Variants in ZAP70 observed in about 807,000 individuals in gnomAD.
The protein encoded by ZAP70 is tyrosine-protein kinase ZAP-70.
A neutral mutation model predicts 65.8 loss-of-function variants in ZAP70; 27 were observed. The ratio of observed to expected loss-of-function variants is 0.41; its 90% CI spans 0.30 to 0.57. The LOEUF (loss-of-function observed/expected upper bound fraction) is 0.57, where lower values mean the gene tolerates loss of function less well. Among genes scored for constraint, ZAP70 ranks in the 20% least tolerant of loss-of-function variants. ZAP70 has a pLI of 0.28. For synonymous variants in ZAP70, 363 were observed against 360.8 expected (o/e 1.01, Z -0.07); for missense variants, 696 against 870.5 (o/e 0.80, Z 2.52).
chr2:97,732,787 G>A, intron 4 of ZAP70, 96 bp from the exon 5 acceptor site: 1 of 1,549,212 alleles, frequency 6.5e-7, no homozygotes, highest in Non-Finnish European at 8.8e-7. Flanking sequence ...AGGCTCTGAG[G>A]TGTGGAGCCC....
At chr2:97,743,088 G>A (rs917819894), downstream of ZAP70, among the ~76,000 whole-genome samples, 1 of 152,130 alleles carries the variant, frequency 6.6e-6, no homozygotes, top group African/African-American at 2.4e-5. Flanking sequence ...ACTTCAGGGA[G>A]AGAAATGGGA....
chr2:97,734,934 GT>G, intron 9 of ZAP70: 3 of 716,512 alleles, frequency 4.2e-6, no homozygotes, highest in Non-Finnish European at 4.6e-6. Context: ...TGGAGCTGAA[GT>G]TCCCAACCCA....
chr2:97,722,058 C>T (rs980131028), intron 2 of ZAP70, among the ~76,000 whole-genome samples: 1 of 148,372 alleles, frequency 6.7e-6, no homozygotes, highest in Non-Finnish European at 1.5e-5. Flanking sequence ...GCTGGGATTA[C>T]AGGCGTGAGC....
At position 97,733,013 on chromosome 2, in the gene ZAP70, C is replaced by A. The variant is rs201643850; in HGVS notation, c.694C>A (p.Leu232Ile). The change falls in exon 5 of 14, where the codon CTC becomes ATC. Residue 232 changes from leucine (L) to isoleucine (I), a missense_variant. This residue lies in a region of ZAP70 where 551 missense variants were observed against 630.0 expected (regional missense o/e 0.87). Transcript: ENST00000264972. ...CIPEGTKFDT[L>I]WQLVEYLKLK... ...TCCCGAGGGCACCAAGTTTGACACG[C>A]TCTGGCAGGTAGGCTGCCCGTGCAA... 6.2e-7 allele frequency: 1 copy of A among 1,614,132 alleles called. No homozygotes were observed. The highest frequency in any genetic ancestry group is 8.5e-7 in the Non-Finnish European group (1 of 1,180,032).
intron 2 of ZAP70, among the ~76,000 whole-genome samples, chr2:97,718,220 T>G (rs1433169314): frequency 1.3e-5 from 2 of 151,808 alleles, no homozygotes; most frequent in East Asian, 1.9e-4. Context: ...GGGCCACGAG[T>G]CTGCAGGGAC....
chr2:97,727,607 C>T (rs72951153), intron 4 of ZAP70, among the ~76,000 whole-genome samples: 1,628 of 152,342 alleles, frequency 0.011, 36 homozygotes, highest in African/African-American at 0.037. Context: ...AGGCTGGACA[C>T]GCGAAGAAGG....
the ZAP70 span, among the ~76,000 whole-genome samples, chr2:97,748,601 C>T: frequency 6.6e-6 from 1 of 152,166 alleles, no homozygotes; most frequent in African/African-American, 2.4e-5. Context: ...GGCCTCTGTG[C>T]TGCGACTGGC....
At position 97,737,334 on chromosome 2, in the gene ZAP70, G is replaced by T; in HGVS notation, c.1290-139G>T. The T allele has an allele frequency of 3.5e-6, 3 of 848,156 alleles. No homozygotes were observed. The highest frequency in any genetic ancestry group is 5.8e-6 in the Non-Finnish European group (3 of 518,072). The allele number at this position is 848,156 out of a possible 1,614,324, so 52.5% of individuals were successfully genotyped here. ...TGCTGTGTCCCCAGCCCCACGCCTG[G>T]CACACAGCAGGTGCTCAATAAGCGT... On this transcript the variant is annotated intron_variant, in intron 10 of 13. Transcript: ENST00000264972. The surrounding 1 kb of genome is among the most constrained non-coding windows in gnomAD (Gnocchi z 5.0).
chr2:97,724,872 G>A, intron 3 of ZAP70: 1 of 1,529,976 alleles, frequency 6.5e-7, no homozygotes, highest in Middle Eastern at 1.7e-4. Context: ...AGCTGGAGAT[G>A]CGCTTGGGGC....
the ZAP70 span, among the ~76,000 whole-genome samples, chr2:97,749,796 G>A: frequency 2.0e-5 from 3 of 152,150 alleles, no homozygotes; most frequent in East Asian, 1.9e-4. Context: ...TGAGGCAAAC[G>A]GGAGCCCAGG....
chr2:97,724,047 C>T lies in ZAP70; in HGVS notation c.11C>T (p.Pro4Leu). The change falls in exon 3 of 14, where the codon CCC (proline) becomes CTC (leucine). Residue 4 changes from proline (P) to leucine (L), a missense_variant. Pro to Leu is a moderately conservative substitution (Grantham distance 98). Around this residue, in one of 3 missense-constraint regions of ZAP70, gnomAD observed 551 missense variants for 630.0 expected, o/e 0.87. Transcript: ENST00000264972. MPDPAAHLPFFYGS... is the reference protein window; with the variant it reads MPDLAAHLPFFYGS... ...GGAGGCCCAGGGGCGATGCCAGACC[C>T]CGCGGCGCACCTGCCCTTCTTCTAC... 1.3e-6 allele frequency: 2 copies of T among 1,552,160 alleles called. No individual in the cohort carries two copies. The highest frequency in any genetic ancestry group is 1.7e-6 in the Non-Finnish European group (2 of 1,154,924).
At position 97,737,351 on chromosome 2, in the gene ZAP70, A is replaced by C; in HGVS notation, c.1290-122A>C. ...CACGCCTGGCACACAGCAGGTGCTC[A>C]ATAAGCGTTTTTGAACACATGGTCA... On this transcript the variant is annotated intron_variant, in intron 10 of 13. Transcript: ENST00000264972. This position sits in a 1 kb window ranked among gnomAD's most constrained non-coding sequence, Gnocchi z 5.0. 1 of 1,026,060 alleles carries C rather than the reference A, an allele frequency of 9.7e-7. No homozygotes were observed. The highest frequency in any genetic ancestry group is 1.5e-6 in the Non-Finnish European group (1 of 669,384). 63.6% of individuals were successfully genotyped at this position (1,026,060 alleles called of 1,614,324 possible).
intron 4 of ZAP70, among the ~76,000 whole-genome samples, chr2:97,730,932 G>A (rs1365028722): frequency 2.0e-5 from 3 of 151,934 alleles, no homozygotes; most frequent in Non-Finnish European, 4.4e-5. Flanking sequence ...GTGTGCACCT[G>A]CAGTCCCAGC....
chr2:97,729,923 G>A (rs1260411676), intron 4 of ZAP70, among the ~76,000 whole-genome samples: 1 of 152,066 alleles, frequency 6.6e-6, no homozygotes, highest in Non-Finnish European at 1.5e-5. Context: ...AAATGTAGTG[G>A]CTTAAAACAA....
chr2:97,741,476 G>A (rs1307127234), downstream of ZAP70, among the ~76,000 whole-genome samples: 5 of 148,040 alleles, frequency 3.4e-5, no homozygotes, highest in East Asian at 2.0e-4. Flanking sequence ...GTCCCCTCCC[G>A]GGTGATGTCC....
intron 2 of ZAP70, among the ~76,000 whole-genome samples, chr2:97,721,580 A>ATTTTTTTTTTTT (rs796509420): frequency 6.2e-3 from 503 of 81,162 alleles, no homozygotes; most frequent in East Asian, 7.9e-3. Flanking sequence ...TGGCTGGCTG[A>ATTTTTTTTTTTT]TTTTTTTTTT....
chr2:97,749,032 C>T, the ZAP70 span, among the ~76,000 whole-genome samples: 8 of 119,386 alleles, frequency 6.7e-5, no homozygotes, highest in East Asian at 2.8e-4. Flanking sequence ...TTTTTTGAGA[C>T]GGAGTCTCGC....
intron 2 of ZAP70, among the ~76,000 whole-genome samples, chr2:97,720,773 A>G (rs1302741893): frequency 6.6e-6 from 1 of 152,206 alleles, no homozygotes; most frequent in African/African-American, 2.4e-5. Context: ...TGGGACATCC[A>G]GGACCCCCCT....
chr2:97,741,160 G>T (rs1448107603), downstream of ZAP70, among the ~76,000 whole-genome samples: 1 of 152,152 alleles, frequency 6.6e-6, no homozygotes, highest in Non-Finnish European at 1.5e-5. Flanking sequence ...GAAGCAAGGA[G>T]CCAGCAAGTC....
Sources: allele counts gnomAD v4.1 joint callset (sites outside exome capture counted in the v4.1 genomes callset), GRCh38; gene constraint gnomAD v4.1.1; regional missense constraint gnomAD v4.1.1; non-coding constraint Gnocchi (gnomAD v3.1); transcripts MANE v1.5; gene names NCBI Gene and HGNC (gene_info 2026-07-23, HGNC 2026-07-21).